NEBL: variants seen among roughly 807,000 people sequenced by gnomAD.
The protein encoded by NEBL is nebulette.
NEBL carries 122 observed loss-of-function variants against 140.2 expected under a neutral mutation model. That is an observed-to-expected ratio of 0.87 (90% CI 0.75 to 1.01). The LOEUF (loss-of-function observed/expected upper bound fraction) is 1.01, where lower values mean the gene tolerates loss of function less well. NEBL is among the 50% of genes least tolerant of loss of function. The probability of loss-of-function intolerance (pLI) is 0.00; values close to 1 mark genes in which losing one functional copy is unlikely to be tolerated. For missense variants in NEBL, 1,365 were observed against 1,231.3 expected, an observed-to-expected ratio of 1.11 and a Z score of -1.62; for synonymous variants, 436 against 398.9, an observed-to-expected ratio of 1.09 and a Z score of -1.11.
At chr10:21,158,352 TAC>T (rs1196198647) in intron 2 of NEBL, among the ~76,000 whole-genome samples, 2 of 152,204 alleles carry the variant, frequency 1.3e-5, no homozygotes, top group African/African-American at 2.4e-5. Context: ...CCAACATTTA[TAC>T]AGTGTCTACT....
intron 1 of NEBL, among the ~76,000 whole-genome samples, chr10:21,277,846 G>T (rs1398424810): frequency 2.0e-5 from 3 of 152,026 alleles, no homozygotes; most frequent in Admixed American, 1.3e-4. Context: ...AAGAGACAAG[G>T]TGTCTTGCAG....
intron 2 of NEBL, among the ~76,000 whole-genome samples, chr10:21,061,283 G>T (rs1330304679): frequency 6.8e-6 from 1 of 146,632 alleles, no homozygotes; most frequent in Non-Finnish European, 1.5e-5. Flanking sequence ...CATATTATGT[G>T]ATATGTAACA....
intron 1 of NEBL, among the ~76,000 whole-genome samples, chr10:21,264,936 T>C (rs928896846): frequency 4.0e-5 from 6 of 150,920 alleles, no homozygotes; most frequent in Non-Finnish European, 3.0e-5. Context: ...TTTTATTTTA[T>C]TTTTATTTTT....
chr10:21,066,819 T>TTA (rs146037349), intron 2 of NEBL, among the ~76,000 whole-genome samples: 2 of 90,526 alleles, frequency 2.2e-5, no homozygotes, highest in Admixed American at 2.4e-4. Context: ...TCTTACATTG[T>TTA]TCTGCGGTTT....
chr10:20,888,220 A>C lies in NEBL; in HGVS notation c.259-13T>G, dbSNP rs923819811. 1.4e-5 allele frequency: 20 copies of C among 1,402,784 alleles called. No homozygotes were observed. The African/African-American group carries it at 1.7e-4, about 12-fold the overall frequency. 86.9% of individuals were successfully genotyped at this position (1,402,784 alleles called of 1,614,324 possible). A position where few individuals can be genotyped will look rare whatever the true frequency, so the allele number is the denominator to read the frequency against. On this transcript the variant is annotated splice_polypyrimidine_tract_variant and intron_variant, in intron 3 of 27. Coordinates refer to ENST00000377122, the MANE Select transcript of NEBL (RefSeq NM_006393.3). ...CTTTGTATTTTGCCTGGGGGAAAAA[A>C]AAACAGGAAAAAAATAAATAAATAA...
intron 26 of NEBL, among the ~76,000 whole-genome samples, chr10:20,788,476 C>T (rs896986763): frequency 6.6e-6 from 1 of 151,906 alleles, no homozygotes; most frequent in Non-Finnish European, 1.5e-5. Context: ...GTGAGAACAT[C>T]AATACTTTAA....
At chr10:20,990,256 A>T (rs1230142452) in intron 3 of NEBL, among the ~76,000 whole-genome samples, 1 of 152,238 alleles carries the variant, frequency 6.6e-6, no homozygotes. Flanking sequence ...CAAAAAGCTT[A>T]AAACCCCTGC....
Position 20,826,326 on chromosome 10 carries a change from G to A in NEBL, c.1869+121C>T, listed in dbSNP as rs1227980656. 3.8e-6 allele frequency: 3 copies of A among 793,062 alleles called. No individual in the cohort carries two copies. The East Asian group carries it at 7.4e-5, about 20-fold the overall frequency. The allele number at this position is 793,062 out of a possible 1,614,324, so 49.1% of individuals were successfully genotyped here. ...TAGATCTTTGATATATGATGAAATAGCATTTCAATAAAGTGAAGAATAAAA... is the reference window on the plus strand; with the variant it reads ...TAGATCTTTGATATATGATGAAATAACATTTCAATAAAGTGAAGAATAAAA... On this transcript the variant is annotated intron_variant, in intron 18 of 27. Transcript: ENST00000377122.
At chr10:21,058,149 G>A (rs946296235) in intron 2 of NEBL, among the ~76,000 whole-genome samples, 2 of 152,206 alleles carry the variant, frequency 1.3e-5, no homozygotes, top group African/African-American at 4.8e-5. Flanking sequence ...GTTTTGGAAT[G>A]TGGCTACCAG....
In NEBL at chr10:21,155,911, GA is replaced by G. The variant is rs555577157; in HGVS notation, c.164+16471del. On this transcript the variant is annotated intron_variant, in intron 2 of 6. Coordinates refer to the NEBL transcript ENST00000417816. The stretch of plus-strand genomic sequence containing the variant: ...GAGATTAACGCCCACTGCATGACAA[GA>G]ACAGAGGCCCCAAGAGGTGGAGTTG... Among the ~76,000 whole-genome samples the G allele has an allele frequency of 1.8e-3, 275 of 152,232 alleles. 1 individual carries two copies. Among genetic ancestry groups the G allele is most frequent in the African/African-American group, 6.6e-3 (273 of 41,524 alleles).
chr10:20,936,329 T>TA (rs1297297964), intron 4 of NEBL, among the ~76,000 whole-genome samples: 4 of 151,902 alleles, frequency 2.6e-5, no homozygotes, highest in Admixed American at 6.6e-5. Context: ...AAAGGGGCAA[T>TA]AAAAAAAAGA....
At chr10:21,061,370 T>TATGTGATATGTAA (rs1835291605) in intron 2 of NEBL, among the ~76,000 whole-genome samples, 2 of 131,294 alleles carry the variant, frequency 1.5e-5, no homozygotes, top group South Asian at 2.3e-4. Flanking sequence ...TGGGTCAGAT[T>TATGTGATATGTAA]TATGTTTTAT....
At chr10:21,178,169 A>G (rs975177316), upstream of NEBL, among the ~76,000 whole-genome samples, 2 of 152,256 alleles carry the variant, frequency 1.3e-5, no homozygotes, top group African/African-American at 4.8e-5. Context: ...TTGCCATTAT[A>G]ATATTTCTGC....
chr10:21,229,364 T>G (rs1271745622), intron 3 of NEBL, among the ~76,000 whole-genome samples: 1 of 152,128 alleles, frequency 6.6e-6, no homozygotes, highest in Non-Finnish European at 1.5e-5. Flanking sequence ...GAGTCTGCAA[T>G]GAGCCGTGAT....
intron 3 of NEBL, among the ~76,000 whole-genome samples, chr10:20,982,953 G>A (rs1177126067): frequency 1.3e-5 from 2 of 152,108 alleles, no homozygotes; most frequent in East Asian, 3.9e-4. Context: ...TCACTAGAAT[G>A]TTTTATCTAC....
intron 3 of NEBL, among the ~76,000 whole-genome samples, chr10:21,003,003 C>CTTTTTTT (rs10539676): frequency 1.6e-5 from 2 of 127,764 alleles, no homozygotes; most frequent in African/African-American, 3.0e-5. Context: ...CATTATGTGG[C>CTTTTTTT]TTTTTTTTTT....
intron 4 of NEBL, among the ~76,000 whole-genome samples, chr10:20,928,815 C>T (rs756237187): frequency 5.9e-5 from 9 of 152,168 alleles, no homozygotes; most frequent in Non-Finnish European, 1.2e-4. Context: ...AATTAAAGCA[C>T]GCTTTTGTAG....
rs1012124823 is a variant in NEBL at position 21,286,649 on chromosome 10, A to G, written n.182+6181T>C. Among the ~76,000 whole-genome samples, 5 of 152,252 alleles carry G rather than the reference A, an allele frequency of 3.3e-5. No homozygotes were observed. The South Asian group carries it at 6.2e-4, about 19-fold the overall frequency. ...AGATCGAGACCATCCTGGCTAACAC[A>G]GTGAAACCCTGTCTCTATTAAAAAA... On this transcript the variant is annotated intron_variant and non_coding_transcript_variant, in intron 1 of 8. Transcript: ENST00000675702.
At chr10:20,823,911 G>A (rs563949308) in intron 18 of NEBL, among the ~76,000 whole-genome samples, 15 of 152,148 alleles carry the variant, frequency 9.9e-5, no homozygotes, top group Admixed American at 8.5e-4. Flanking sequence ...TCAGCGCCAG[G>A]AAGTCAGAGA....
Sources: gnomAD v4.1 joint callset for allele counts (sites outside exome capture counted in the v4.1 genomes callset) on GRCh38, gnomAD v4.1.1 for gene constraint, MANE v1.5 for transcripts, NCBI Gene and HGNC (gene_info 2026-07-23, HGNC 2026-07-21) for gene names.